RGPD4: variants seen among roughly 807,000 people sequenced by gnomAD.
RGPD4 encodes the protein RANBP2 like and GRIP domain containing 4, also known as ranBP2-like and GRIP domain-containing protein 4.
Under a neutral mutation model 141.1 loss-of-function variants are expected in RGPD4, and 84 were observed. The ratio of observed to expected loss-of-function variants is 0.60; its 90% CI spans 0.50 to 0.71. The LOEUF is 0.71. RGPD4 is among the 30% of genes least tolerant of loss of function. The probability of loss-of-function intolerance (pLI) is 0.00; values close to 1 mark genes in which losing one functional copy is unlikely to be tolerated. For synonymous variants in RGPD4, 298 were observed against 566.8 expected (o/e 0.53, Z 6.74); for missense variants, 918 against 1,622.4 (o/e 0.57, Z 7.46).
At position 107,869,220 on chromosome 2, in the gene RGPD4, C is replaced by A. The variant is rs1682827943; in HGVS notation, c.2606-663C>A. 5.6e-5 allele frequency among the ~76,000 whole-genome samples: 4 copies of A among 71,166 alleles called. 2 individuals are homozygous for A. Among genetic ancestry groups the A allele is most frequent in the African/African-American group, 2.5e-4 (4 of 16,270 alleles). The allele number at this position is 71,166 out of a possible 152,430, so 46.7% of individuals were successfully genotyped here. On this transcript the variant is annotated intron_variant, in intron 18 of 22. Transcript: ENST00000408999. ...GTTTTCTGGTAAAACTATCATAAAA[C>A]AGTTGAAGCAAATGACTATTGGTAG...
chr2:107,830,505 G>A (rs1384464055), intron 1 of RGPD4, among the ~76,000 whole-genome samples: 4 of 152,084 alleles, frequency 2.6e-5, no homozygotes, highest in African/African-American at 9.7e-5. Context: ...ACATTTTGAC[G>A]ATTGGTTATT....
At chr2:107,873,784 T>C (rs2556253) in intron 20 of RGPD4, among the ~76,000 whole-genome samples, 83 of 151,634 alleles carry the variant, frequency 5.5e-4, no homozygotes, top group East Asian at 1.4e-3. Flanking sequence ...TGTTAAAAAA[T>C]GAAATATTCT....
In RGPD4 at chr2:107,880,709, A is replaced by T. The variant is rs1675337110; in HGVS notation, c.5064+602A>T. Among the ~76,000 whole-genome samples the T allele has an allele frequency of 5.4e-5, 8 of 149,014 alleles. No individual in the cohort carries two copies. In the Middle Eastern group the frequency reaches 0.027, roughly 507 times the overall value. On this transcript the variant is annotated intron_variant, in intron 21 of 22. Coordinates refer to ENST00000408999, the MANE Select transcript of RGPD4 (RefSeq NM_182588.3). ...ATAAAAAATGGGTGTGAGTCTTTGA[A>T]TTCTAAAGATAACCAGTGAATTTAA...
chr2:107,844,542 G>C (rs1396774421), intron 6 of RGPD4, among the ~76,000 whole-genome samples: 1 of 151,460 alleles, frequency 6.6e-6, no homozygotes, highest in East Asian at 1.9e-4. Context: ...TTGTTTGGAA[G>C]TTAATTTATT....
chr2:107,880,542 C>T (rs2439157), intron 21 of RGPD4, among the ~76,000 whole-genome samples: 6 of 151,720 alleles, frequency 4.0e-5, no homozygotes, highest in Non-Finnish European at 8.8e-5. Flanking sequence ...GTATTACAGG[C>T]GTGAGCCACT....
chr2:107,877,749 C>A (rs1264223555), intron 20 of RGPD4, among the ~76,000 whole-genome samples: 1 of 151,538 alleles, frequency 6.6e-6, no homozygotes, highest in Admixed American at 6.6e-5. Context: ...TAGCTAGTAG[C>A]AATTAATTTA....
chr2:107,872,836 A>T lies in RGPD4; in HGVS notation c.4832A>T (p.Glu1611Val). 6.2e-7 allele frequency: 1 copy of T among 1,606,308 alleles called. No individual in the cohort carries two copies. The highest frequency in any genetic ancestry group is 8.5e-7 in the Non-Finnish European group (1 of 1,178,004). ...GAACTGTCAAAGAACTCTGATATCGAACAGTCTTCAGATAGCAAAGTCAAA... is the reference window on the plus strand; with the variant it reads ...GAACTGTCAAAGAACTCTGATATCGTACAGTCTTCAGATAGCAAAGTCAAA... ...KCELSKNSDIEQSSDSKVKNL... is the reference protein window; with the variant it reads ...KCELSKNSDIVQSSDSKVKNL... Residue 1611 changes from glutamate (E) to valine (V), a missense_variant, in exon 20 of 23, where the codon GAA becomes GTA. Physicochemically the swap from Glu to Val is moderately radical, Grantham distance 121. Transcript: ENST00000408999.
In RGPD4 at chr2:107,872,380, A is replaced by G. The variant is rs200264659; in HGVS notation, c.4376A>G (p.Lys1459Arg). 709 of 1,584,876 alleles carry G rather than the reference A, an allele frequency of 4.5e-4. 19 individuals carry two copies. The African/African-American group carries it at 7.9e-3, about 18-fold the overall frequency. Residue 1459 changes from lysine (K) to arginine (R), a missense_variant, in exon 20 of 23, where the codon AAA becomes AGA. Physicochemically the swap from Lys to Arg is conservative, Grantham distance 26. Transcript: ENST00000408999. ...CAGGATGTTGCAGACTCGTTTAAGA[A>G]AATTTTTGATGAAGCAAAAACAGCC... ...KLQDVADSFKKIFDEAKTAQE... is the reference protein window; with the variant it reads ...KLQDVADSFKRIFDEAKTAQE...
intron 7 of RGPD4, among the ~76,000 whole-genome samples, chr2:107,852,246 A>C (rs1195824059): frequency 1.4e-5 from 1 of 71,592 alleles, no homozygotes; most frequent in African/African-American, 5.8e-5. Flanking sequence ...GCGAGACTCC[A>C]TCTCAAAAAA....
rs1328041473 is a variant in RGPD4, at chr2:107,870,832, A to T, written c.2828A>T (p.Asn943Ile). 2.5e-6 allele frequency: 4 copies of T among 1,610,288 alleles called. No individual in the cohort carries two copies. The South Asian group carries it at 3.3e-5, about 13-fold the overall frequency. Residue 943 changes from asparagine (N) to isoleucine (I), a missense_variant, in exon 20 of 23, where the codon AAT (asparagine) becomes ATT (isoleucine). Asn to Ile is a moderately radical substitution (Grantham distance 149). Coordinates refer to ENST00000408999, the MANE Select transcript of RGPD4 (RefSeq NM_182588.3). Reference sequence around the variant, plus strand: ...AAGGAAAGTGAAAAGCCTCTTGAAAATGATACTGGCTTCCAGGCTCAGGAT... The same window carrying T: ...AAGGAAAGTGAAAAGCCTCTTGAAATTGATACTGGCTTCCAGGCTCAGGAT... ...QEKESEKPLE[N>I]DTGFQAQDIS...
rs1010231204 is a variant in RGPD4, at chr2:107,881,329, T to G, written c.5064+1222T>G. Among the ~76,000 whole-genome samples, 3 of 150,318 alleles carry G rather than the reference T, an allele frequency of 2.0e-5. No individual in the cohort carries two copies. In the Admixed American group the frequency reaches 2.0e-4, roughly 10 times the overall value. The stretch of plus-strand genomic sequence containing the variant: ...ACTTATTTAAATGTTATATTTTCTT[T>G]TTTTTTTTGAGATAGTCTCGCTCTG... On this transcript the variant is annotated intron_variant, in intron 21 of 22. Coordinates refer to ENST00000408999, the MANE Select transcript of RGPD4 (RefSeq NM_182588.3).
chr2:107,871,720 A>G lies in RGPD4; in HGVS notation c.3716A>G (p.Asn1239Ser), dbSNP rs1306586316. 3 of 1,610,680 alleles carry G rather than the reference A, an allele frequency of 1.9e-6. No homozygotes were observed. The African/African-American group carries it at 4.1e-5, about 22-fold the overall frequency. Residue 1239 changes from asparagine (N) to serine (S), a missense_variant, in exon 20 of 23, where the codon AAT becomes AGT. By Grantham distance (46) the Asn-to-Ser change is conservative (BLOSUM62 1). Coordinates refer to ENST00000408999, the MANE Select transcript of RGPD4 (RefSeq NM_182588.3). ...AGASDTTIKP[N>S]PENTGPTLEW... is the part of the protein sequence containing the mutation. ...GCCTCAGACACAACAATAAAACCCA[A>G]TCCTGAAAACACTGGGCCCACATTA... is the stretch of plus-strand genomic sequence containing the variant.
chr2:107,880,825 T>TCTTCC (rs1305172462), intron 21 of RGPD4, among the ~76,000 whole-genome samples: 1 of 148,726 alleles, frequency 6.7e-6, no homozygotes, highest in Non-Finnish European at 1.5e-5. Flanking sequence ...CTGTTTAAAG[T>TCTTCC]AGACACCAGA....
At chr2:107,855,708 AT>A (rs1362313376) in intron 8 of RGPD4, among the ~76,000 whole-genome samples, 1 of 104,006 alleles carries the variant, frequency 9.6e-6, no homozygotes, top group African/African-American at 4.0e-5. Context: ...GGCTTTTACT[AT>A]GTTCATAGAG....
Position 107,890,540 on chromosome 2 carries a change from C to A in RGPD4, c.5267-181C>A, listed in dbSNP as rs1160811346. ...CTCCAGCCTGGGTGACAGAGCAAGA[C>A]CCTGTCTCAAAAAAAAAAAAAAAAA... On this transcript the variant is annotated intron_variant, in intron 22 of 22. Coordinates refer to ENST00000408999, the MANE Select transcript of RGPD4 (RefSeq NM_182588.3). Among the ~76,000 whole-genome samples, 7 of 97,992 alleles carry A rather than the reference C, an allele frequency of 7.1e-5. No homozygotes were observed. In the Admixed American group the frequency reaches 8.3e-4, roughly 12 times the overall value. 64.3% of individuals were successfully genotyped at this position (97,992 alleles called of 152,430 possible). A position where few individuals can be genotyped will look rare whatever the true frequency, so the allele number is the denominator to read the frequency against.
At chr2:107,881,785 C>T (rs1444036455) in intron 21 of RGPD4, among the ~76,000 whole-genome samples, 2 of 151,384 alleles carry the variant, frequency 1.3e-5, no homozygotes, top group Admixed American at 6.6e-5. Flanking sequence ...GGAAATCTTC[C>T]TCAAAGACTT....
At chr2:107,829,517 C>A (rs1367545114) in intron 1 of RGPD4, among the ~76,000 whole-genome samples, 2 of 133,228 alleles carry the variant, frequency 1.5e-5, no homozygotes, top group Non-Finnish European at 3.2e-5. Flanking sequence ...TGCTCCCTGG[C>A]GCGCTCTGTT....
intron 8 of RGPD4, among the ~76,000 whole-genome samples, chr2:107,855,480 G>A (rs1461638364): frequency 3.3e-5 from 5 of 151,918 alleles, no homozygotes; most frequent in Admixed American, 2.0e-4. Context: ...CCTTTGCGTG[G>A]TGTCACAGTT....
intron 20 of RGPD4, among the ~76,000 whole-genome samples, chr2:107,875,566 A>T (rs1035390332): frequency 6.9e-6 from 1 of 145,136 alleles, no homozygotes; most frequent in African/African-American, 2.6e-5. Context: ...GTTCTTCTTT[A>T]CATTAGTAGA....
Sources: allele counts gnomAD v4.1 joint callset (sites outside exome capture counted in the v4.1 genomes callset), GRCh38; gene constraint gnomAD v4.1.1; transcripts MANE v1.5; gene names NCBI Gene and HGNC (gene_info 2026-07-23, HGNC 2026-07-21).